Variants in SLC35D4 observed in about 807,000 individuals in gnomAD.
The protein encoded by SLC35D4 is UDP-N-acetylglucosamine transporter SLC35D4.
chr18:23,427,142 G>A, the SLC35D4 span, among the ~76,000 whole-genome samples: 4 of 152,196 alleles, frequency 2.6e-5, no homozygotes, highest in African/African-American at 9.6e-5. Flanking sequence ...CACAAGCAAT[G>A]GCAGCAAAAG....
chr18:23,310,249 C>G, the SLC35D4 span: 1 of 985,274 alleles, frequency 1.0e-6, no homozygotes, highest in African/African-American at 1.7e-5. Flanking sequence ...ATCCATGACA[C>G]ATTCTAAGAA....
the SLC35D4 span, among the ~76,000 whole-genome samples, chr18:23,349,380 C>G: frequency 0.048 from 7,361 of 152,236 alleles, 487 homozygotes; most frequent in Admixed American, 0.18. Flanking sequence ...CGCCTGTAAC[C>G]CCAGCACTTT....
At chr18:23,311,093 T>A in the SLC35D4 span, among the ~76,000 whole-genome samples, 1 of 151,868 alleles carries the variant, frequency 6.6e-6, no homozygotes, top group Non-Finnish European at 1.5e-5. Flanking sequence ...AATGTCCCTC[T>A]TTTCTCTTCC....
chr18:23,267,956 T>A, the SLC35D4 span, among the ~76,000 whole-genome samples: 3 of 152,202 alleles, frequency 2.0e-5, no homozygotes, highest in African/African-American at 7.2e-5. Context: ...GTCCCTACAA[T>A]TCCACAGCTG....
the SLC35D4 span, among the ~76,000 whole-genome samples, chr18:23,251,081 G>A: frequency 2.6e-5 from 4 of 152,222 alleles, no homozygotes; most frequent in African/African-American, 4.8e-5. Flanking sequence ...TGGGCTTTGC[G>A]GGCATGAGTC....
the SLC35D4 span, among the ~76,000 whole-genome samples, chr18:23,315,024 G>T: frequency 1.3e-5 from 2 of 152,196 alleles, no homozygotes; most frequent in East Asian, 3.8e-4. Context: ...GGTGGTGGTG[G>T]TGGGGGGTGT....
the SLC35D4 span, among the ~76,000 whole-genome samples, chr18:23,319,479 C>T: frequency 2.0e-5 from 3 of 150,076 alleles, no homozygotes; most frequent in African/African-American, 4.9e-5. Context: ...GTTTCGCTCT[C>T]GTTGCCCAGG....
At chr18:23,265,730 T>G in the SLC35D4 span, among the ~76,000 whole-genome samples, 1 of 152,070 alleles carries the variant, frequency 6.6e-6, no homozygotes, top group South Asian at 2.1e-4. Flanking sequence ...GAACAGAAGC[T>G]GATCATAAAA....
At chr18:23,379,366 T>G in the SLC35D4 span, among the ~76,000 whole-genome samples, 7 of 152,156 alleles carry the variant, frequency 4.6e-5, 1 homozygote, top group Admixed American at 4.6e-4. Context: ...TCAAGTGATC[T>G]GCCTGCCTTT....
chr18:23,370,104 G>C, the SLC35D4 span: 2 of 821,274 alleles, frequency 2.4e-6, no homozygotes, highest in African/African-American at 1.8e-5. Flanking sequence ...GCTTGAACCC[G>C]GGGGGTGGAG....
At chr18:23,258,653 A>ATACC in the SLC35D4 span, 5 of 152,328 alleles carry the variant, frequency 3.3e-5, no homozygotes, top group African/African-American at 9.6e-5. Context: ...TGCTTTTTGT[A>ATACC]TACCTGTATG....
chr18:23,302,195 C>A, the SLC35D4 span, among the ~76,000 whole-genome samples: 1 of 152,212 alleles, frequency 6.6e-6, no homozygotes. Flanking sequence ...GCCTACGGAG[C>A]CAGACACAGA....
At chr18:23,331,056 C>T in the SLC35D4 span, 2 of 152,378 alleles carry the variant, frequency 1.3e-5, no homozygotes, top group Admixed American at 1.3e-4. Flanking sequence ...TCGGGAGGCC[C>T]CAGCCCAGCA....
chr18:23,397,589 T>C, the SLC35D4 span, among the ~76,000 whole-genome samples: 3 of 152,246 alleles, frequency 2.0e-5, no homozygotes, highest in South Asian at 2.1e-4. Context: ...TTTTCAGTTA[T>C]ATGAACTGGT....
the SLC35D4 span, among the ~76,000 whole-genome samples, chr18:23,266,506 C>T: frequency 1.3e-5 from 2 of 152,076 alleles, no homozygotes; most frequent in Non-Finnish European, 2.9e-5. Flanking sequence ...CATTCAGATT[C>T]CATTCCGTTC....
chr18:23,279,119 C>T, the SLC35D4 span, among the ~76,000 whole-genome samples: 2 of 152,184 alleles, frequency 1.3e-5, no homozygotes, highest in African/African-American at 4.8e-5. Context: ...CAGGCTCCTT[C>T]AGCTTCTGCT....
chr18:23,434,085 G>A, the SLC35D4 span, among the ~76,000 whole-genome samples: 1 of 152,078 alleles, frequency 6.6e-6, no homozygotes, highest in Non-Finnish European at 1.5e-5. Flanking sequence ...TTACCAGAAG[G>A]GAGCATCACC....
the SLC35D4 span, among the ~76,000 whole-genome samples, chr18:23,395,077 C>T: frequency 6.7e-6 from 1 of 149,496 alleles, no homozygotes; most frequent in Non-Finnish European, 1.5e-5. Flanking sequence ...GAGGAGTTTA[C>T]TGTATTGCCA....
the SLC35D4 span, among the ~76,000 whole-genome samples, chr18:23,267,100 C>A: frequency 6.6e-6 from 1 of 152,328 alleles, no homozygotes; most frequent in Non-Finnish European, 1.5e-5. Context: ...GCCCTGCCGC[C>A]CCACAGTGAG....
Sources: allele counts gnomAD v4.1 joint callset (sites outside exome capture counted in the v4.1 genomes callset), GRCh38; gene constraint gnomAD v4.1.1; transcripts MANE v1.5; gene names NCBI Gene and HGNC (gene_info 2026-07-23, HGNC 2026-07-21).